The following GNA14 variants were observed in gnomAD, a reference collection of about 807,000 sequenced individuals.
GNA14 encodes the protein guanine nucleotide-binding protein subunit alpha-14.
GNA14 carries 50 observed loss-of-function variants against 42.0 expected under a neutral mutation model. The observed-to-expected ratio is 1.19, with a 90% confidence interval of 0.95 to 1.51. GNA14 has a LOEUF of 1.51. Among genes scored for constraint, GNA14 ranks in the 40% most tolerant of loss-of-function variants. The pLI, the probability that GNA14 is intolerant of heterozygous loss-of-function variation, is 0.00. For synonymous variants in GNA14, 173 were observed against 163.1 expected (o/e 1.06, Z -0.46); for missense variants, 473 against 446.2 (o/e 1.06, Z -0.54).
chr9:77,526,174 A>G (rs1172187892), intron 2 of GNA14, among the ~76,000 whole-genome samples: 1 of 151,648 alleles, frequency 6.6e-6, no homozygotes, highest in African/African-American at 2.4e-5. Flanking sequence ...CGGCCTCCCA[A>G]AGTACTGGGT....
intron 2 of GNA14, among the ~76,000 whole-genome samples, chr9:77,485,422 C>T (rs923674646): frequency 1.3e-5 from 2 of 152,170 alleles, no homozygotes; most frequent in Non-Finnish European, 2.9e-5. Context: ...CACCAAAGTC[C>T]TGAACCTTCA....
chr9:77,608,053 G>T (rs931536654), intron 1 of GNA14, among the ~76,000 whole-genome samples: 1 of 152,106 alleles, frequency 6.6e-6, no homozygotes, highest in Non-Finnish European at 1.5e-5. Flanking sequence ...AAGGTGGTGG[G>T]GCTCTCACAA....
intron 2 of GNA14, among the ~76,000 whole-genome samples, chr9:77,480,279 T>A (rs567582947): frequency 1.1e-4 from 16 of 152,268 alleles, no homozygotes; most frequent in East Asian, 5.8e-4. Context: ...GAATTTTGTC[T>A]AAGGCCTTTT....
In GNA14 at chr9:77,593,991, T is replaced by C. The variant is rs1234117579; in HGVS notation, c.124+53679A>G. On this transcript the variant is annotated intron_variant, in intron 1 of 6. Coordinates refer to ENST00000341700, the MANE Select transcript of GNA14 (RefSeq NM_004297.4). ...CCATTTAGAAAGTGCTTTGTAGAAC[T>C]GCTTCCTTTTTGCCTAATGTATCAG... Among the ~76,000 whole-genome samples the C allele has an allele frequency of 5.3e-5, 8 of 152,356 alleles. No individual in the cohort carries two copies. In the East Asian group the frequency reaches 1.4e-3, roughly 26 times the overall value.
intron 3 of GNA14, among the ~76,000 whole-genome samples, chr9:77,433,810 CAA>C (rs371515721): frequency 1.3e-5 from 2 of 152,250 alleles, no homozygotes; most frequent in African/African-American, 4.8e-5. Flanking sequence ...AGCCAATAAA[CAA>C]AGGATTGAGC....
chr9:77,505,361 C>A (rs1376324637), intron 2 of GNA14, among the ~76,000 whole-genome samples: 1 of 152,088 alleles, frequency 6.6e-6, no homozygotes, highest in Non-Finnish European at 1.5e-5. Context: ...AAAGTCAAGC[C>A]AGAATTAGTT....
intron 1 of GNA14, among the ~76,000 whole-genome samples, chr9:77,646,598 G>A (rs1363880777): frequency 1.3e-5 from 2 of 152,154 alleles, no homozygotes; most frequent in Admixed American, 6.5e-5. Flanking sequence ...TTCTGGGAGG[G>A]TGATTCCTAT....
chr9:77,550,199 T>A (rs988514096), intron 1 of GNA14, among the ~76,000 whole-genome samples: 3 of 152,188 alleles, frequency 2.0e-5, no homozygotes, highest in African/African-American at 7.2e-5. Context: ...ACTCAGGGGT[T>A]GAAGCAGTAA....
chr9:77,582,848 G>A (rs894214426), intron 1 of GNA14, among the ~76,000 whole-genome samples: 5 of 152,192 alleles, frequency 3.3e-5, no homozygotes, highest in Admixed American at 1.3e-4. Flanking sequence ...GTAAAGTCAA[G>A]GGCCTGGTCT....
At chr9:77,457,264 G>A (rs1836017077) in intron 2 of GNA14, among the ~76,000 whole-genome samples, 1 of 152,228 alleles carries the variant, frequency 6.6e-6, no homozygotes, top group African/African-American at 2.4e-5. Flanking sequence ...TTAGAGTTTA[G>A]TGGAAGGCGC....
Position 77,639,070 on chromosome 9 carries a change from T to A in GNA14, c.124+8600A>T, listed in dbSNP as rs374057144. ...AAAGCTTACATTTTAGTTTTTGAGT[T>A]TGCCTTTACCAATCCATTTAGGAAA... On this transcript the variant is annotated intron_variant, in intron 1 of 6. Coordinates refer to ENST00000341700, the MANE Select transcript of GNA14 (RefSeq NM_004297.4). Among the ~76,000 whole-genome samples, 9 of 152,366 alleles carry A rather than the reference T, an allele frequency of 5.9e-5. No individual in the cohort carries two copies. In the East Asian group the frequency reaches 1.3e-3, roughly 23 times the overall value.
chr9:77,615,702 TACACACACACACACACACAC>T lies in GNA14; in HGVS notation c.124+31948_124+31967del, dbSNP rs59087574. ...CCACTGCTGGTGGTTGAAAATGAAA[TACACACACACACACACACAC>T]ACACACACACACACACACACACACA... On this transcript the variant is annotated intron_variant, in intron 1 of 6. Transcript: ENST00000341700. Among the ~76,000 whole-genome samples, 469 of 134,468 alleles carry T rather than the reference TACACACACACACACACACAC, an allele frequency of 3.5e-3. 1 individual carries two copies. The highest frequency in any genetic ancestry group is 0.011 in the African/African-American group (410 of 38,100). 88.2% of individuals were successfully genotyped at this position (134,468 alleles called of 152,430 possible). A position where few individuals can be genotyped will look rare whatever the true frequency, so the allele number is the denominator to read the frequency against.
chr9:77,512,430 T>C (rs1196180295), intron 2 of GNA14, among the ~76,000 whole-genome samples: 3 of 152,232 alleles, frequency 2.0e-5, no homozygotes, highest in South Asian at 2.1e-4. Context: ...AAAATTAAGA[T>C]GACTTACCTC....
chr9:77,455,603 T>C (rs1462506414), intron 2 of GNA14, among the ~76,000 whole-genome samples: 2 of 152,192 alleles, frequency 1.3e-5, no homozygotes, highest in Non-Finnish European at 2.9e-5. Flanking sequence ...GGCTTATATT[T>C]TTAAAGTGTC....
At chr9:77,476,557 GA>G (rs1836427252) in intron 2 of GNA14, among the ~76,000 whole-genome samples, 1 of 152,228 alleles carries the variant, frequency 6.6e-6, no homozygotes, top group South Asian at 2.1e-4. Flanking sequence ...GAGGCAGTGT[GA>G]AAAGAATAAG....
intron 1 of GNA14, among the ~76,000 whole-genome samples, chr9:77,555,435 C>A (rs775648905): frequency 1.3e-5 from 2 of 152,080 alleles, no homozygotes; most frequent in Non-Finnish European, 2.9e-5. Context: ...GCCTGGGAGG[C>A]CTAAGTTGCA....
chr9:77,458,706 G>C (rs1202100468), intron 2 of GNA14, among the ~76,000 whole-genome samples: 1 of 152,112 alleles, frequency 6.6e-6, no homozygotes, highest in Non-Finnish European at 1.5e-5. Context: ...GTGCACTTTT[G>C]TATCACAGAT....
intron 2 of GNA14, among the ~76,000 whole-genome samples, chr9:77,515,954 G>A (rs966495799): frequency 5.2e-5 from 2 of 38,790 alleles, no homozygotes; most frequent in Admixed American, 5.0e-4. Context: ...GCAAGACCCT[G>A]TCTCACAAAA....
At chr9:77,514,212 T>C (rs547012995) in intron 2 of GNA14, among the ~76,000 whole-genome samples, 4 of 152,322 alleles carry the variant, frequency 2.6e-5, no homozygotes, top group African/African-American at 4.8e-5. Context: ...AACATGGCCA[T>C]GTGGACCCCT....
Sources: gnomAD v4.1 joint callset for allele counts (sites outside exome capture counted in the v4.1 genomes callset) on GRCh38, gnomAD v4.1.1 for gene constraint, MANE v1.5 for transcripts, NCBI Gene and HGNC (gene_info 2026-07-23, HGNC 2026-07-21) for gene names.